Variants in SESTD1 observed in about 807,000 individuals in gnomAD.
SESTD1 encodes SEC14 domain and spectrin repeat-containing protein 1.
SESTD1 carries 43 observed loss-of-function variants against 101.7 expected under a neutral mutation model. The ratio of observed to expected loss-of-function variants is 0.42; its 90% CI spans 0.33 to 0.55. The LOEUF is 0.55. SESTD1 is among the 20% of genes least tolerant of loss of function. The probability of loss-of-function intolerance (pLI) is 0.07; values close to 1 mark genes in which losing one functional copy is unlikely to be tolerated. For synonymous variants in SESTD1, 283 were observed against 286.8 expected (o/e 0.99, Z 0.13); for missense variants, 647 against 815.1 (o/e 0.79, Z 2.51).
chr2:179,199,500 C>T (rs184486966), intron 1 of SESTD1, among the ~76,000 whole-genome samples: 1 of 152,110 alleles, frequency 6.6e-6, no homozygotes, highest in East Asian at 1.9e-4. Flanking sequence ...GAGACAAAAT[C>T]AAAAAAGAGA....
chr2:179,198,333 T>TA (rs1469864891), intron 1 of SESTD1, among the ~76,000 whole-genome samples: 1 of 152,130 alleles, frequency 6.6e-6, no homozygotes, highest in Admixed American at 6.5e-5. Context: ...CAAAGAGACT[T>TA]AGACTCCCAC....
chr2:179,155,244 A>C (rs1451853904), intron 5 of SESTD1, among the ~76,000 whole-genome samples: 2 of 152,070 alleles, frequency 1.3e-5, no homozygotes, highest in Non-Finnish European at 2.9e-5. Context: ...ATCCACAGAA[A>C]GGCTTTCACA....
At chr2:179,185,895 A>G (rs1052921747) in intron 2 of SESTD1, among the ~76,000 whole-genome samples, 1 of 137,566 alleles carries the variant, frequency 7.3e-6, no homozygotes, top group South Asian at 2.2e-4. Flanking sequence ...CATATACAAT[A>G]TAGTATATTA....
intron 9 of SESTD1, among the ~76,000 whole-genome samples, chr2:179,133,721 T>C (rs1211011751): frequency 2.0e-5 from 3 of 152,234 alleles, no homozygotes; most frequent in African/African-American, 7.2e-5. Context: ...AGTGCAGATA[T>C]ACATTTCTGC....
rs377245582 is a variant in SESTD1 at position 179,109,865 on chromosome 2, T to C, written c.*34A>G. On this transcript the variant is annotated 3_prime_UTR_variant, in exon 18 of 18. Coordinates refer to ENST00000428443, the MANE Select transcript of SESTD1 (RefSeq NM_178123.5). ...GTAGTATGTTGACAACATGCGGGAT[T>C]ATGAACTGCAAATCTGTAGGTAGCT... The C allele has an allele frequency of 6.2e-7, 1 of 1,611,154 alleles. No individual in the cohort carries two copies. The highest frequency in any genetic ancestry group is 8.5e-7 in the Non-Finnish European group (1 of 1,178,502).
At chr2:179,225,622 C>T (rs1168429415) in intron 1 of SESTD1, among the ~76,000 whole-genome samples, 1 of 152,134 alleles carries the variant, frequency 6.6e-6, no homozygotes, top group African/African-American at 2.4e-5. Flanking sequence ...CAAGGCACCA[C>T]CAGGTTCAGT....
intron 9 of SESTD1, among the ~76,000 whole-genome samples, chr2:179,141,466 G>T (rs7585600): frequency 6.6e-6 from 1 of 151,718 alleles, no homozygotes; most frequent in Middle Eastern, 3.4e-3. Context: ...TACTCATCAT[G>T]ACATTGCTGA....
chr2:179,261,071 G>C (rs919663574), intron 1 of SESTD1, among the ~76,000 whole-genome samples: 1 of 152,202 alleles, frequency 6.6e-6, no homozygotes, highest in African/African-American at 2.4e-5. Flanking sequence ...TTCTGAAACA[G>C]TGGGTTCTAG....
At chr2:179,211,815 C>A (rs1224007237) in intron 1 of SESTD1, among the ~76,000 whole-genome samples, 2 of 129,772 alleles carry the variant, frequency 1.5e-5, no homozygotes, top group African/African-American at 6.2e-5. Context: ...TATGAGGATA[C>A]GAAGGCAGGA....
chr2:179,124,646 T>A, intron 10 of SESTD1, 88 bp from the exon 11 acceptor site: 2 of 1,132,054 alleles, frequency 1.8e-6, no homozygotes, highest in Non-Finnish European at 2.5e-6. Context: ...ATAAACTAAG[T>A]AATACATGAT....
At chr2:179,128,525 T>A (rs2044931642) in intron 10 of SESTD1, among the ~76,000 whole-genome samples, 1 of 152,050 alleles carries the variant, frequency 6.6e-6, no homozygotes, top group Non-Finnish European at 1.5e-5. Flanking sequence ...GGTCAGGAGA[T>A]GGAGACTATC....
intron 1 of SESTD1, among the ~76,000 whole-genome samples, chr2:179,199,424 A>C (rs943502067): frequency 5.3e-5 from 8 of 152,216 alleles, no homozygotes; most frequent in Admixed American, 2.6e-4. Context: ...CAATCAATAG[A>C]AAAAGAGGGA....
Position 179,213,044 on chromosome 2 carries a change from C to A in SESTD1, c.-25-21178G>T, listed in dbSNP as rs1214252944. On this transcript the variant is annotated intron_variant, in intron 1 of 17. Coordinates refer to ENST00000428443, the MANE Select transcript of SESTD1 (RefSeq NM_178123.5). ...ATAAAACCACAAAGATGGGGAGGAA[C>A]CAGAGCAGAAAAGCTGAAAATTCTA... 1.5e-5 allele frequency among the ~76,000 whole-genome samples: 2 copies of A among 135,048 alleles called. 1 individual carries two copies. The highest frequency in any genetic ancestry group is 3.2e-5 in the Non-Finnish European group (2 of 62,770). 88.6% of individuals were successfully genotyped at this position (135,048 alleles called of 152,430 possible).
At chr2:179,127,981 G>A (rs2044915744) in intron 10 of SESTD1, among the ~76,000 whole-genome samples, 1 of 152,138 alleles carries the variant, frequency 6.6e-6, no homozygotes, top group Non-Finnish European at 1.5e-5. Context: ...AGACGTAATA[G>A]CAACGATTCT....
At chr2:179,243,410 T>C (rs1261062711) in intron 1 of SESTD1, among the ~76,000 whole-genome samples, 2 of 152,200 alleles carry the variant, frequency 1.3e-5, no homozygotes, top group Non-Finnish European at 2.9e-5. Flanking sequence ...TTACTGGGTA[T>C]ATATCCAAAA....
chr2:179,124,312 G>GT, intron 11 of SESTD1, 52 bp downstream of exon 11: 1 of 1,530,728 alleles, frequency 6.5e-7, no homozygotes, highest in Non-Finnish European at 8.8e-7. Context: ...TTACGTGTAG[G>GT]TAAGTGTTCA....
intron 1 of SESTD1, among the ~76,000 whole-genome samples, chr2:179,205,496 A>C (rs2046578536): frequency 7.4e-6 from 1 of 134,960 alleles, no homozygotes; most frequent in African/African-American, 2.9e-5. Context: ...AAATGGTTTT[A>C]GTTTCTCGGT....
chr2:179,115,033 C>T, intron 16 of SESTD1, 32 bp downstream of exon 16: 1 of 1,585,216 alleles, frequency 6.3e-7, no homozygotes, highest in South Asian at 1.1e-5. Context: ...ATCAATACCA[C>T]TGAGAATAAC....
intron 2 of SESTD1, among the ~76,000 whole-genome samples, chr2:179,188,085 T>A (rs931586395): frequency 2.0e-5 from 3 of 152,168 alleles, no homozygotes; most frequent in African/African-American, 7.2e-5. Flanking sequence ...CTGGACCTAA[T>A]AGACATCTAC....
Sources: allele counts gnomAD v4.1 joint callset (sites outside exome capture counted in the v4.1 genomes callset), GRCh38; gene constraint gnomAD v4.1.1; transcripts MANE v1.5; gene names NCBI Gene and HGNC (gene_info 2026-07-23, HGNC 2026-07-21).